CCDC141: variants seen among roughly 807,000 people sequenced by gnomAD.
The protein encoded by CCDC141 is coiled-coil domain containing 141, also known as coiled-coil domain-containing protein 141.
A neutral mutation model predicts 181.0 loss-of-function variants in CCDC141; 168 were observed. The observed-to-expected ratio is 0.93, with a 90% CI of 0.82 to 1.05. CCDC141 has a LOEUF of 1.05. Ranked by LOEUF, CCDC141 falls within the 50% of genes least tolerant of loss-of-function variation. CCDC141 has a pLI of 0.00. For missense variants in CCDC141, 1,902 were observed against 1,788.5 expected (o/e 1.06, Z -1.14); for synonymous variants, 666 against 642.3 (o/e 1.04, Z -0.56).
intron 5 of CCDC141, among the ~76,000 whole-genome samples, chr2:178,949,643 C>T (rs771252693): frequency 2.6e-5 from 4 of 152,054 alleles, no homozygotes; most frequent in African/African-American, 4.8e-5. Context: ...AAATAGGTCC[C>T]GTATACAATC....
chr2:178,905,570 A>C, intron 7 of CCDC141, 69 bp from the exon 8 acceptor site: 1 of 1,326,032 alleles, frequency 7.5e-7, no homozygotes, highest in Non-Finnish European at 1.0e-6. Context: ...TGTACACAAA[A>C]CACTGGCAAT....
intron 2 of CCDC141, among the ~76,000 whole-genome samples, chr2:179,020,462 T>C (rs144363614): frequency 2.0e-5 from 3 of 152,272 alleles, no homozygotes; most frequent in African/African-American, 7.2e-5. Flanking sequence ...TGTGATATGA[T>C]AGCACTTCTC....
intron 2 of CCDC141, among the ~76,000 whole-genome samples, chr2:179,045,168 C>T (rs534186152): frequency 5.9e-4 from 81 of 137,850 alleles, no homozygotes; most frequent in African/African-American, 2.0e-3. Flanking sequence ...CCCCTCCCCT[C>T]GACCCCACAA....
intron 5 of CCDC141, among the ~76,000 whole-genome samples, chr2:178,948,456 T>C (rs1382509529): frequency 1.3e-5 from 2 of 152,212 alleles, no homozygotes; most frequent in Non-Finnish European, 2.9e-5. Context: ...TGAGCTTTAA[T>C]TAAAGGTATT....
intron 12 of CCDC141, chr2:178,874,004 T>C (rs1686242671): frequency 6.6e-6 from 1 of 152,194 alleles, no homozygotes; most frequent in Non-Finnish European, 1.5e-5. Context: ...TAATGATTTT[T>C]AGATGAACTG....
At chr2:178,901,456 G>A (rs999956396) in intron 8 of CCDC141, among the ~76,000 whole-genome samples, 14 of 151,918 alleles carry the variant, frequency 9.2e-5, no homozygotes, top group South Asian at 2.1e-4. Context: ...TTCAATATAC[G>A]CAAATCAATA....
Position 178,869,106 on chromosome 2 carries a change from C to A in CCDC141, c.2394+11G>T. On this transcript the variant is annotated intron_variant, in intron 15 of 23. Coordinates refer to ENST00000443758, the MANE Select transcript of CCDC141 (RefSeq NM_173648.4). ...ACTCAGGATTTTTCAGACATCCCTTCTAAGCCTTACCTCTTCCTTGACTTG... is the reference window on the plus strand; with the variant it reads ...ACTCAGGATTTTTCAGACATCCCTTATAAGCCTTACCTCTTCCTTGACTTG... 3 of 1,538,128 alleles carry A rather than the reference C, an allele frequency of 2.0e-6. No individual in the cohort carries two copies. The highest frequency in any genetic ancestry group is 2.6e-6 in the Non-Finnish European group (3 of 1,148,954).
chr2:178,893,535 A>T (rs756394178), intron 8 of CCDC141, among the ~76,000 whole-genome samples: 5 of 152,076 alleles, frequency 3.3e-5, no homozygotes, highest in Non-Finnish European at 7.4e-5. Flanking sequence ...TTGTCTATGG[A>T]CAAATTATAC....
At chr2:178,944,036 G>T (rs1215731623) in intron 6 of CCDC141, among the ~76,000 whole-genome samples, 3 of 152,162 alleles carry the variant, frequency 2.0e-5, no homozygotes, top group African/African-American at 7.2e-5. Context: ...TGACATCTCA[G>T]TGTAGAAAAA....
At chr2:178,822,828 A>G in the CCDC141 span, among the ~76,000 whole-genome samples, 1 of 152,202 alleles carries the variant, frequency 6.6e-6, no homozygotes. Flanking sequence ...TGAAGATTGT[A>G]ATTTATTTTC....
At chr2:178,901,951 T>C (rs1302881150) in intron 8 of CCDC141, among the ~76,000 whole-genome samples, 1 of 152,180 alleles carries the variant, frequency 6.6e-6, no homozygotes, top group East Asian at 1.9e-4. Flanking sequence ...AGCATTCTTA[T>C]ACACCAACAA....
rs188973975 is a variant in CCDC141, at chr2:178,989,392, G to A, written c.226-10717C>T. Among the ~76,000 whole-genome samples, 304 of 151,670 alleles carry A rather than the reference G, an allele frequency of 2.0e-3. 1 individual carries two copies. The highest frequency in any genetic ancestry group is 9.6e-3 in the East Asian group (49 of 5,114). On this transcript the variant is annotated intron_variant, in intron 2 of 23. Transcript: ENST00000443758. ...GCAGGTCACTTGAGATCAGGAGTTC[G>A]AGACCAGCCTGGCCAACATGTTGAA...
intron 8 of CCDC141, among the ~76,000 whole-genome samples, chr2:178,890,455 C>T (rs981680878): frequency 2.1e-4 from 32 of 152,100 alleles, no homozygotes; most frequent in African/African-American, 7.7e-4. Flanking sequence ...TCTCAGTAAC[C>T]AGCTCCAGCC....
the CCDC141 span, among the ~76,000 whole-genome samples, chr2:178,816,987 A>G: frequency 6.6e-6 from 1 of 152,208 alleles, no homozygotes; most frequent in African/African-American, 2.4e-5. Context: ...TTAAGGTTAT[A>G]TCTGCACATT....
chr2:178,834,490 T>C (rs1684394326), intron 23 of CCDC141, 50 bp from the exon 24 acceptor site: 1 of 1,522,298 alleles, frequency 6.6e-7, no homozygotes, highest in Admixed American at 2.0e-5. Flanking sequence ...TTATTCACAT[T>C]ATTTCCAAGT....
Position 178,878,138 on chromosome 2 carries a change from C to G in CCDC141, c.1725G>C (p.Glu575Asp). The G allele has an allele frequency of 2.5e-6, 4 of 1,592,456 alleles. No homozygotes were observed. The South Asian group carries it at 4.7e-5, about 19-fold the overall frequency. The change falls in exon 12 of 24, where the codon GAG (glutamate) becomes GAC (aspartate). Residue 575 changes from glutamate to aspartate, a missense_variant. By Grantham distance (45) the Glu-to-Asp change is conservative. Transcript: ENST00000443758. Reference sequence around the variant, plus strand: ...ATTCTTTTAAGCTCTGAAACTGCATCTCTACCTAAAAAAGAAAAAAGAGAG... The same window carrying G: ...ATTCTTTTAAGCTCTGAAACTGCATGTCTACCTAAAAAAGAAAAAAGAGAG... ...VAFLKSSEEVEMQFQSLKEFY... is the reference protein window; with the variant it reads ...VAFLKSSEEVDMQFQSLKEFY...
At chr2:178,940,153 G>A (rs1689449153) in intron 6 of CCDC141, among the ~76,000 whole-genome samples, 1 of 152,164 alleles carries the variant, frequency 6.6e-6, no homozygotes, top group South Asian at 2.1e-4. Context: ...TTGGCAGGAG[G>A]GCTGAATGGC....
intron 2 of CCDC141, among the ~76,000 whole-genome samples, chr2:179,009,062 C>A (rs1001839689): frequency 2.0e-5 from 3 of 152,216 alleles, no homozygotes; most frequent in African/African-American, 7.2e-5. Flanking sequence ...ACTTACTGCT[C>A]TCCTAATGCT....
intron 16 of CCDC141, among the ~76,000 whole-genome samples, chr2:178,867,418 T>G (rs1166013741): frequency 1.3e-5 from 2 of 152,224 alleles, no homozygotes; most frequent in Non-Finnish European, 2.9e-5. Context: ...TGTCCAAATA[T>G]CACCATTTTA....
Sources: allele counts gnomAD v4.1 joint callset (sites outside exome capture counted in the v4.1 genomes callset), GRCh38; gene constraint gnomAD v4.1.1; transcripts MANE v1.5; gene names NCBI Gene and HGNC (gene_info 2026-07-23, HGNC 2026-07-21).